The following CCDC102B variants were observed in gnomAD, a reference collection of about 807,000 sequenced individuals.
CCDC102B encodes the protein coiled-coil domain containing 102B, also known as coiled-coil domain-containing protein 102B.
Under a neutral mutation model 57.4 loss-of-function variants are expected in CCDC102B, and 75 were observed. The ratio of observed to expected loss-of-function variants is 1.31; its 90% CI spans 1.08 to 1.58. The LOEUF (loss-of-function observed/expected upper bound fraction) is 1.58. CCDC102B is among the 40% of genes most tolerant of loss of function. The pLI is 0.00. For synonymous variants in CCDC102B, 206 were observed against 201.9 expected (o/e 1.02, Z -0.17); for missense variants, 636 against 582.6 (o/e 1.09, Z -0.94).
intron 1 of CCDC102B, among the ~76,000 whole-genome samples, chr18:68,831,058 ATTATTATAATG>A (rs2037123357): frequency 6.6e-6 from 1 of 152,002 alleles, no homozygotes; most frequent in Non-Finnish European, 1.5e-5. Flanking sequence ...CTATGAGGTT[ATTATTATAATG>A]TAATTTTTAA....
chr18:69,049,375 CT>C (rs1274660890), intron 7 of CCDC102B, among the ~76,000 whole-genome samples: 7 of 151,266 alleles, frequency 4.6e-5, no homozygotes, highest in Non-Finnish European at 1.0e-4. Flanking sequence ...TGAATTCATC[CT>C]TTTTTTTTCT....
At chr18:68,853,672 T>TAAAAAAAAAAAAAAAAAAAAAAAAAAAA in intron 4 of CCDC102B, among the ~76,000 whole-genome samples, 1 of 94,646 alleles carries the variant, frequency 1.1e-5, no homozygotes, top group Non-Finnish European at 2.0e-5. Context: ...CCCCAAATTG[T>TAAAAAAAAAAAAAAAAAAAAAAAAAAAA]AAAAAAAAAA....
rs149896940 is a variant in CCDC102B, at chr18:68,952,459, G to T, written c.1263+55031G>T. On this transcript the variant is annotated intron_variant, in intron 6 of 7. Coordinates refer to ENST00000360242, the MANE Select transcript of CCDC102B (RefSeq NM_024781.3). Reference sequence around the variant, plus strand: ...AAATTGGCAAGAATGAGAAGAAATAGGTTATAGAGTAGATAACAGTCTGGG... The same window carrying T: ...AAATTGGCAAGAATGAGAAGAAATATGTTATAGAGTAGATAACAGTCTGGG... 4.6e-3 allele frequency among the ~76,000 whole-genome samples: 706 copies of T among 152,130 alleles called. 8 individuals carry two copies. Among genetic ancestry groups the T allele is most frequent in the African/African-American group, 0.016 (678 of 41,520 alleles).
chr18:68,773,971 C>T (rs2034727727), intron 2 of CCDC102B, among the ~76,000 whole-genome samples: 1 of 151,816 alleles, frequency 6.6e-6, no homozygotes, highest in Non-Finnish European at 1.5e-5. Context: ...TTCAATAGTA[C>T]CTATAATTTG....
At chr18:68,745,374 C>T in intron 2 of CCDC102B, among the ~76,000 whole-genome samples, 1 of 152,086 alleles carries the variant, frequency 6.6e-6, no homozygotes, top group Admixed American at 6.6e-5. Flanking sequence ...TCTCCTGCCT[C>T]CCACACCGTA....
chr18:68,823,699 T>C (rs2144745487), intron 1 of CCDC102B, among the ~76,000 whole-genome samples: 1 of 152,352 alleles, frequency 6.6e-6, no homozygotes, highest in Middle Eastern at 3.4e-3. Flanking sequence ...CATTTAACTC[T>C]GCAGCCTCAC....
intron 4 of CCDC102B, among the ~76,000 whole-genome samples, chr18:68,858,509 T>A (rs1429027560): frequency 6.6e-6 from 1 of 152,160 alleles, no homozygotes; most frequent in East Asian, 1.9e-4. Context: ...TGCCAGGAAC[T>A]CTATTTACAG....
chr18:69,029,901 A>G (rs1024662885), intron 7 of CCDC102B, among the ~76,000 whole-genome samples: 2 of 152,266 alleles, frequency 1.3e-5, no homozygotes, highest in East Asian at 3.9e-4. Flanking sequence ...GTTTTAAGGC[A>G]TGTGCTTTAA....
intron 6 of CCDC102B, among the ~76,000 whole-genome samples, chr18:68,903,427 T>G (rs2145042443): frequency 6.6e-6 from 1 of 152,260 alleles, no homozygotes; most frequent in East Asian, 1.9e-4. Flanking sequence ...GAACAAACAC[T>G]CAAGTGTAAT....
rs572303653 is a variant in CCDC102B at position 68,772,658 on chromosome 18, T to TTTAAATTGATAAATTA, written c.-66-50695_-66-50694insTTATTAAATTGATAAA. Among the ~76,000 whole-genome samples, 368 of 152,292 alleles carry TTTAAATTGATAAATTA rather than the reference T, an allele frequency of 2.4e-3. 2 individuals carry two copies. The highest frequency in any genetic ancestry group is 8.4e-3 in the African/African-American group (348 of 41,580). ...ATAGATGTTATCTCTTGATAAATTA[T>TTTAAATTGATAAATTA]TTAAATTGATAAAATGTTAATTTTA... On this transcript the variant is annotated intron_variant, in intron 2 of 3. Coordinates refer to the CCDC102B transcript ENST00000578970.
chr18:69,015,297 G>A (rs2051635932), intron 7 of CCDC102B, among the ~76,000 whole-genome samples: 1 of 152,116 alleles, frequency 6.6e-6, no homozygotes, highest in Non-Finnish European at 1.5e-5. Flanking sequence ...CTGACCCAAA[G>A]CACCATTAAC....
chr18:68,759,838 C>T (rs552446576), intron 2 of CCDC102B, among the ~76,000 whole-genome samples: 1 of 152,148 alleles, frequency 6.6e-6, no homozygotes, highest in East Asian at 1.9e-4. Context: ...CATAGATGCC[C>T]ACACTTCTGA....
chr18:68,852,395 A>G (rs2144839103), intron 4 of CCDC102B, among the ~76,000 whole-genome samples: 1 of 152,258 alleles, frequency 6.6e-6, no homozygotes, highest in South Asian at 2.1e-4. Flanking sequence ...ACCAAAATCC[A>G]CAGATGTTCA....
intron 6 of CCDC102B, among the ~76,000 whole-genome samples, chr18:68,946,077 AT>A (rs143233426): frequency 0.013 from 2,018 of 151,900 alleles, 44 homozygotes; most frequent in African/African-American, 0.046. Flanking sequence ...TACATTTATT[AT>A]TTTTCATATT....
chr18:68,885,807 A>G (rs924479986), intron 5 of CCDC102B, among the ~76,000 whole-genome samples: 14 of 152,040 alleles, frequency 9.2e-5, no homozygotes, highest in African/African-American at 2.9e-4. Flanking sequence ...GAGTATTTCC[A>G]GGATTATGAT....
intron 7 of CCDC102B, among the ~76,000 whole-genome samples, chr18:69,015,717 CT>C (rs1314619957): frequency 1.3e-5 from 2 of 152,056 alleles, no homozygotes; most frequent in Non-Finnish European, 2.9e-5. Flanking sequence ...CAAAGAATTT[CT>C]TTTTTGGATG....
chr18:68,881,180 G>A (rs919244849), intron 5 of CCDC102B, among the ~76,000 whole-genome samples: 1 of 152,084 alleles, frequency 6.6e-6, no homozygotes, highest in African/African-American at 2.4e-5. Context: ...AAATAAACAG[G>A]CCAAGAAGCT....
chr18:69,018,124 T>A (rs2051720238), intron 7 of CCDC102B, among the ~76,000 whole-genome samples: 1 of 152,212 alleles, frequency 6.6e-6, no homozygotes, highest in Admixed American at 6.5e-5. Flanking sequence ...AATGGACACT[T>A]AGGTTGTTTT....
intron 6 of CCDC102B, among the ~76,000 whole-genome samples, chr18:68,999,603 TTTTG>T (rs143073155): frequency 2.6e-4 from 39 of 151,946 alleles, no homozygotes; most frequent in East Asian, 1.2e-3. Flanking sequence ...AAGATTCTGG[TTTTG>T]TTTGTTTGTT....
Sources: allele counts gnomAD v4.1 joint callset (sites outside exome capture counted in the v4.1 genomes callset), GRCh38; gene constraint gnomAD v4.1.1; transcripts MANE v1.5; gene names NCBI Gene and HGNC (gene_info 2026-07-23, HGNC 2026-07-21).